The following MPP7 variants were observed in gnomAD, a reference collection of about 807,000 sequenced individuals.
The protein encoded by MPP7 is MAGUK p55 subfamily member 7.
In MPP7, 60 loss-of-function variants were observed where a neutral mutation model predicts 76.5. The ratio of observed to expected loss-of-function variants is 0.78; its 90% CI spans 0.64 to 0.97. The LOEUF (loss-of-function observed/expected upper bound fraction) is 0.97, where lower values mean the gene tolerates loss of function less well. Ranked by LOEUF, MPP7 falls within the 50% of genes least tolerant of loss-of-function variation. The pLI, the probability that MPP7 is intolerant of heterozygous loss-of-function variation, is 0.00. For synonymous variants in MPP7, 237 were observed against 244.5 expected (o/e 0.97, Z 0.29); for missense variants, 641 against 694.0 (o/e 0.92, Z 0.86).
chr10:28,089,877 T>A, intron 11 of MPP7, 36 bp from the exon 12 acceptor site: 10 of 1,089,870 alleles, frequency 9.2e-6, no homozygotes, highest in South Asian at 1.6e-5. Context: ...TTTAGTAACA[T>A]CAACCAAAAA....
At chr10:28,219,069 T>C (rs12255835) in intron 2 of MPP7, among the ~76,000 whole-genome samples, 2,875 of 152,308 alleles carry the variant, frequency 0.019, 72 homozygotes, top group African/African-American at 0.051. Flanking sequence ...GTACGGAGCA[T>C]AGATCCACCT....
At chr10:28,142,772 T>A (rs189250830) in intron 5 of MPP7, among the ~76,000 whole-genome samples, 50 of 152,262 alleles carry the variant, frequency 3.3e-4, no homozygotes, top group African/African-American at 1.1e-3. Context: ...GCTTATGCAA[T>A]TAATTGCATA....
upstream of MPP7, among the ~76,000 whole-genome samples, chr10:28,303,621 C>G (rs1409621243): frequency 1.3e-5 from 2 of 152,084 alleles, no homozygotes; most frequent in African/African-American, 2.4e-5. Flanking sequence ...TTTCTTATTA[C>G]CTTTTTGTGT....
chr10:28,070,318 G>C (rs1035823584), intron 12 of MPP7, among the ~76,000 whole-genome samples: 5 of 152,252 alleles, frequency 3.3e-5, no homozygotes, highest in African/African-American at 1.2e-4. Context: ...AGAATGGTGT[G>C]AACCCGGGAG....
chr10:28,126,490 T>C (rs1184882944), intron 6 of MPP7, among the ~76,000 whole-genome samples: 5 of 152,240 alleles, frequency 3.3e-5, no homozygotes, highest in Admixed American at 6.5e-5. Flanking sequence ...TAAATGGTCG[T>C]AATTTGTCTA....
intron 1 of MPP7, among the ~76,000 whole-genome samples, chr10:28,259,303 G>T: frequency 6.6e-6 from 1 of 152,154 alleles, no homozygotes; most frequent in Non-Finnish European, 1.5e-5. Context: ...GTGAGGCCAG[G>T]TGCAGTGGCT....
intron 12 of MPP7, among the ~76,000 whole-genome samples, chr10:28,085,323 G>T (rs183924202): frequency 2.6e-5 from 4 of 152,266 alleles, no homozygotes; most frequent in African/African-American, 9.6e-5. Context: ...TTACCATGTA[G>T]TCATGATGAG....
chr10:28,230,943 A>G (rs2134109167), intron 2 of MPP7, among the ~76,000 whole-genome samples: 1 of 152,344 alleles, frequency 6.6e-6, no homozygotes, highest in East Asian at 1.9e-4. Context: ...ACAAAAAATC[A>G]ATTAGAATAC....
intron 1 of MPP7, among the ~76,000 whole-genome samples, chr10:28,260,380 C>T (rs1014028447): frequency 2.9e-4 from 44 of 152,260 alleles, no homozygotes; most frequent in African/African-American, 1.0e-3. Flanking sequence ...CTTATACCTA[C>T]AGACTATAAA....
intron 12 of MPP7, among the ~76,000 whole-genome samples, chr10:28,076,870 AGAGT>A (rs1413316253): frequency 8.4e-6 from 1 of 118,842 alleles, no homozygotes; most frequent in Non-Finnish European, 1.7e-5. Flanking sequence ...CCTGGGTGAC[AGAGT>A]AAGACTCCGT....
chr10:28,175,489 A>G (rs1032854676), intron 3 of MPP7, among the ~76,000 whole-genome samples: 1 of 152,164 alleles, frequency 6.6e-6, no homozygotes, highest in African/African-American at 2.4e-5. Context: ...TACATGATTA[A>G]AAGAACATAC....
Position 28,245,661 on chromosome 10 carries a change from A to T in MPP7, c.-131-6926T>A, listed in dbSNP as rs1003006164. Among the ~76,000 whole-genome samples the T allele has an allele frequency of 4.7e-5, 7 of 149,532 alleles. No individual in the cohort carries two copies. In the East Asian group the frequency reaches 1.2e-3, roughly 25 times the overall value. On this transcript the variant is annotated intron_variant, in intron 1 of 16. Transcript: ENST00000683449. The stretch of plus-strand genomic sequence containing the variant: ...ATCAACAGATGGCCGCTTTTATCAC[A>T]TTTTTTTTTTCAAGACAGAGTTCCG...
At chr10:28,114,426 C>T (rs1197136171) in intron 11 of MPP7, among the ~76,000 whole-genome samples, 1 of 144,772 alleles carries the variant, frequency 6.9e-6, no homozygotes, top group Admixed American at 6.9e-5. Flanking sequence ...AAAGGAAAAC[C>T]TTTTTTTTTT....
chr10:28,318,445 C>T (rs1360351281), intron 2 of MPP7, among the ~76,000 whole-genome samples: 1 of 152,092 alleles, frequency 6.6e-6, no homozygotes, highest in Non-Finnish European at 1.5e-5. Context: ...CAACACTTTG[C>T]GAGGCCAAGG....
intron 1 of MPP7, among the ~76,000 whole-genome samples, chr10:28,269,104 CT>C (rs1157570194): frequency 4.6e-5 from 7 of 152,194 alleles, no homozygotes; most frequent in Non-Finnish European, 1.0e-4. Flanking sequence ...TTACTTATGA[CT>C]GAAGCCATGG....
At chr10:28,175,459 GAA>G (rs1836829465) in intron 3 of MPP7, among the ~76,000 whole-genome samples, 1 of 151,876 alleles carries the variant, frequency 6.6e-6, no homozygotes, top group East Asian at 1.9e-4. Context: ...AAAATGCCAT[GAA>G]ATAAAAGTAT....
chr10:28,309,684 A>ATATCAT (rs1841278185), intron 2 of MPP7, among the ~76,000 whole-genome samples: 1 of 152,306 alleles, frequency 6.6e-6, no homozygotes, highest in South Asian at 2.1e-4. Context: ...AAAATCTCAC[A>ATATCAT]TTGAATTGTG....
At chr10:28,224,579 T>C (rs1445986813) in intron 2 of MPP7, among the ~76,000 whole-genome samples, 2 of 152,210 alleles carry the variant, frequency 1.3e-5, no homozygotes, top group Non-Finnish European at 2.9e-5. Context: ...AAAAACATGA[T>C]AATTTGCTTC....
intron 3 of MPP7, 111 bp downstream of exon 3, chr10:28,202,042 G>A (rs578089047): frequency 1.3e-6 from 1 of 755,398 alleles, no homozygotes; most frequent in East Asian, 2.5e-5. Flanking sequence ...AATGGAACAA[G>A]GCTGTTTTGT....
Sources: gnomAD v4.1 joint callset for allele counts (sites outside exome capture counted in the v4.1 genomes callset) on GRCh38, gnomAD v4.1.1 for gene constraint, MANE v1.5 for transcripts, NCBI Gene and HGNC (gene_info 2026-07-23, HGNC 2026-07-21) for gene names.